The following NCKAP1 variants were observed in gnomAD, a reference collection of about 807,000 sequenced individuals.
NCKAP1 encodes NCK associated protein 1.
Under a neutral mutation model 151.2 loss-of-function variants are expected in NCKAP1, and 21 were observed. That is an observed-to-expected ratio of 0.14 (90% CI 0.10 to 0.20). The LOEUF is 0.20. Ranked by LOEUF, NCKAP1 falls within the 10% of genes least tolerant of loss-of-function variation. NCKAP1 has a pLI of 1.00. For synonymous variants in NCKAP1, 484 were observed against 451.8 expected (o/e 1.07, Z -0.90); for missense variants, 933 against 1,352.1 (o/e 0.69, Z 4.86).
chr2:182,960,834 C>T (rs1386459587), intron 18 of NCKAP1, among the ~76,000 whole-genome samples: 2 of 152,170 alleles, frequency 1.3e-5, no homozygotes, highest in East Asian at 3.9e-4. Context: ...ATCTACTCAT[C>T]TGACAAAGGG....
intron 2 of NCKAP1, among the ~76,000 whole-genome samples, chr2:183,020,280 T>A (rs536218536): frequency 1.3e-5 from 2 of 151,822 alleles, no homozygotes; most frequent in South Asian, 2.1e-4. Context: ...CTGGTCAACA[T>A]AGCAAGACCC....
In NCKAP1 at chr2:182,911,141, G is replaced by A. The variant is rs1170814726; in HGVS notation, c.*14561C>T. ...AACCAGCCCTTTGGAAAGACCTGTTGCACCTCTGATTACAACCAACCTCAT... is the reference window on the plus strand; with the variant it reads ...AACCAGCCCTTTGGAAAGACCTGTTACACCTCTGATTACAACCAACCTCAT... On this transcript the variant is annotated 3_prime_UTR_variant, in exon 31 of 31. Transcript: ENST00000361354. 1 of 152,190 alleles carries A rather than the reference G, an allele frequency of 6.6e-6. No homozygotes were observed. The highest frequency in any genetic ancestry group is 1.5e-5 in the Non-Finnish European group (1 of 68,114). The allele number at this position is 152,190 out of a possible 1,614,324, so 9.4% of individuals were successfully genotyped here.
intron 8 of NCKAP1, among the ~76,000 whole-genome samples, chr2:182,994,516 G>C (rs1208047317): frequency 1.3e-5 from 2 of 152,054 alleles, no homozygotes; most frequent in Non-Finnish European, 2.9e-5. Flanking sequence ...GCGTGTGCCT[G>C]TTGTCCCGGC....
At chr2:182,956,360 T>C (rs1697327872) in intron 20 of NCKAP1, 102 bp downstream of exon 20, 3 of 1,425,436 alleles carry the variant, frequency 2.1e-6, no homozygotes, top group Admixed American at 4.1e-5. Context: ...TTCTTAACAC[T>C]AATCCAGTTC....
At position 183,038,244 on chromosome 2, in the gene NCKAP1, A is replaced by G. The variant is rs1477975297; in HGVS notation, c.-145T>C. ...GCGCGCCCATGGCCCTCGCGCCCCA[A>G]TCCCGCGCCGGCGACAGAGCGAGCC... On this transcript the variant is annotated 5_prime_UTR_variant, in exon 1 of 31. Coordinates refer to ENST00000361354, the MANE Select transcript of NCKAP1 (RefSeq NM_013436.5). 4 of 467,568 alleles carry G rather than the reference A, an allele frequency of 8.6e-6. No homozygotes were observed. The highest frequency in any genetic ancestry group is 3.8e-5 in the East Asian group (1 of 26,264). The allele number at this position is 467,568 out of a possible 1,614,324, so 29.0% of individuals were successfully genotyped here.
chr2:182,929,563 A>G (rs1696717778), intron 27 of NCKAP1, among the ~76,000 whole-genome samples: 1 of 151,972 alleles, frequency 6.6e-6, no homozygotes, highest in Non-Finnish European at 1.5e-5. Context: ...ATATGCACTC[A>G]AATTGTGGGT....
chr2:183,019,372 G>C (rs1041577928), intron 2 of NCKAP1, among the ~76,000 whole-genome samples: 2 of 151,892 alleles, frequency 1.3e-5, no homozygotes, highest in African/African-American at 4.8e-5. Context: ...AAAAAATATT[G>C]GAAAAAAAAT....
chr2:183,035,647 G>C (rs1179826804), intron 1 of NCKAP1, among the ~76,000 whole-genome samples: 1 of 152,078 alleles, frequency 6.6e-6, no homozygotes, highest in Non-Finnish European at 1.5e-5. Context: ...CACTTCTTTG[G>C]CAAGATATTT....
chr2:182,936,932 T>C (rs1357081223), intron 24 of NCKAP1, among the ~76,000 whole-genome samples: 1 of 151,698 alleles, frequency 6.6e-6, no homozygotes, highest in Non-Finnish European at 1.5e-5. Flanking sequence ...CTGGGCAACA[T>C]GGTGAAACCC....
chr2:183,003,315 G>T lies in NCKAP1; in HGVS notation c.230C>A (p.Ala77Glu). 1 of 1,591,310 alleles carries T rather than the reference G, an allele frequency of 6.3e-7. No homozygotes were observed. Among genetic ancestry groups the T allele is most frequent in the Non-Finnish European group, 8.6e-7 (1 of 1,169,178 alleles). Residue 77 changes from alanine to glutamate, a missense_variant, in exon 3 of 31, where the codon GCA becomes GAA. Physicochemically the swap from Ala to Glu is moderately radical, Grantham distance 107. Around this residue, in one of 2 missense-constraint regions of NCKAP1, gnomAD observed 607 missense variants for 795.0 expected, o/e 0.76. Coordinates refer to ENST00000361354, the MANE Select transcript of NCKAP1 (RefSeq NM_013436.5). The part of the protein sequence containing the change: ...VETRNNNQQL[A>E]QLQKEKSEIL... ...CTCTGATTTTTCTTTCTGTAGTTGTGCAAGCTGTTGCTGTAAAAACAAAAT... is the reference window on the plus strand; with the variant it reads ...CTCTGATTTTTCTTTCTGTAGTTGTTCAAGCTGTTGCTGTAAAAACAAAAT...
At chr2:182,978,018 T>C (rs970476368) in intron 14 of NCKAP1, among the ~76,000 whole-genome samples, 5 of 152,156 alleles carry the variant, frequency 3.3e-5, no homozygotes, top group African/African-American at 1.2e-4. Flanking sequence ...TGCTTACATG[T>C]CAATTTACAG....
At chr2:182,927,031 T>C in intron 29 of NCKAP1, 126 bp from the exon 30 acceptor site, 1 of 616,758 alleles carries the variant, frequency 1.6e-6, no homozygotes, top group Non-Finnish European at 2.8e-6. Context: ...TAATGAGCAA[T>C]TAAATAAGAT....
In NCKAP1 at chr2:182,981,235, A is replaced by G; in HGVS notation, c.1341+9T>C. 6.2e-7 allele frequency: 1 copy of G among 1,611,320 alleles called. No homozygotes were observed. ...GAACAAAAGGGAAATAGTATGAGAT[A>G]GTTTTTACCTGCACGAGTTCATTGA... On this transcript the variant is annotated intron_variant, in intron 13 of 30. Transcript: ENST00000361354.
chr2:182,951,656 A>AG lies in NCKAP1; in HGVS notation c.2601+748_2601+749insC, dbSNP rs1491467366. ...CATCTCAAAAAAAAAAAAAAAACAA[A>AG]CAAACAAAAACTAAAATATCAAGAC... is the stretch of plus-strand genomic sequence containing the variant. On this transcript the variant is annotated intron_variant, in intron 23 of 30. Transcript: ENST00000361354. Among the ~76,000 whole-genome samples, 13 of 150,262 alleles carry AG rather than the reference A, an allele frequency of 8.7e-5. 1 individual carries two copies. In the South Asian group the frequency reaches 2.7e-3, roughly 32 times the overall value.
At position 182,913,819 on chromosome 2, in the gene NCKAP1, T is replaced by A. The variant is rs954145818; in HGVS notation, c.*11883A>T. On this transcript the variant is annotated 3_prime_UTR_variant, in exon 31 of 31. Coordinates refer to ENST00000361354, the MANE Select transcript of NCKAP1 (RefSeq NM_013436.5). ...GCTTCTCTGTCTGCATCTGCCTCATTCTTTTTTCCTGATCAGCACTCTGAT... is the reference window on the plus strand; with the variant it reads ...GCTTCTCTGTCTGCATCTGCCTCATACTTTTTTCCTGATCAGCACTCTGAT... 2.0e-5 allele frequency: 3 copies of A among 152,340 alleles called. No individual in the cohort carries two copies. The highest frequency in any genetic ancestry group is 4.4e-5 in the Non-Finnish European group (3 of 68,160). 9.4% of individuals were successfully genotyped at this position (152,340 alleles called of 1,614,324 possible). A position where few individuals can be genotyped will look rare whatever the true frequency, so the allele number is the denominator to read the frequency against.
chr2:182,979,561 C>A (rs1322085688), intron 13 of NCKAP1, among the ~76,000 whole-genome samples: 1 of 151,946 alleles, frequency 6.6e-6, no homozygotes, highest in Admixed American at 6.6e-5. Context: ...CTTTATGATG[C>A]GAGTGAACTG....
At chr2:182,961,571 G>A (rs1361166918) in intron 18 of NCKAP1, among the ~76,000 whole-genome samples, 1 of 152,104 alleles carries the variant, frequency 6.6e-6, no homozygotes, top group South Asian at 2.1e-4. Context: ...ACACACTGGG[G>A]CCTGTTGTGG....
chr2:182,941,614 A>T (rs1575019350), intron 24 of NCKAP1, among the ~76,000 whole-genome samples: 1 of 152,202 alleles, frequency 6.6e-6, no homozygotes, highest in African/African-American at 2.4e-5. Context: ...GAACTGTTCT[A>T]TATCTAGACT....
intron 2 of NCKAP1, among the ~76,000 whole-genome samples, chr2:183,008,299 C>G (rs1045296971): frequency 6.6e-6 from 1 of 152,184 alleles, no homozygotes; most frequent in African/African-American, 2.4e-5. Flanking sequence ...AGATGTTTAA[C>G]AGCACGTGAA....
Sources: gnomAD v4.1 joint callset for allele counts (sites outside exome capture counted in the v4.1 genomes callset) on GRCh38, gnomAD v4.1.1 for gene constraint, gnomAD v4.1.1 regional missense constraint, MANE v1.5 for transcripts, NCBI Gene and HGNC (gene_info 2026-07-23, HGNC 2026-07-21) for gene names.